Variants in LHX8 observed in about 807,000 individuals in gnomAD.
The protein encoded by LHX8 is LIM homeobox 8, also known as LIM/homeobox protein Lhx8.
A neutral mutation model predicts 40.3 loss-of-function variants in LHX8; 12 were observed. The ratio of observed to expected loss-of-function variants is 0.30; its 90% confidence interval spans 0.19 to 0.48. The LOEUF (loss-of-function observed/expected upper bound fraction) is 0.48. LHX8 is among the 20% of genes least tolerant of loss of function. The probability of loss-of-function intolerance (pLI) is 0.99; values close to 1 mark genes in which losing one functional copy is unlikely to be tolerated. For missense variants in LHX8, 344 were observed against 433.7 expected (o/e 0.79, Z 1.84); for synonymous variants, 179 against 162.0 (o/e 1.10, Z -0.80).
chr1:75,130,955 G>T, upstream of LHX8: 1 of 622,970 alleles, frequency 1.6e-6, no homozygotes, highest in Non-Finnish European at 2.9e-6. Flanking sequence ...ACCTTCTTAT[G>T]ATCGCGAAAG....
chr1:75,129,666 G>A (rs1647912363), upstream of LHX8, among the ~76,000 whole-genome samples: 1 of 152,144 alleles, frequency 6.6e-6, no homozygotes, highest in South Asian at 2.1e-4. Context: ...CCCAGAAACC[G>A]AGAAAACCAT....
chr1:75,173,374 C>CT, the LHX8 span, among the ~76,000 whole-genome samples: 1,546 of 96,452 alleles, frequency 0.016, 164 homozygotes, highest in Non-Finnish European at 0.022. Context: ...GATATATACT[C>CT]TTTTTTTTTT....
chr1:75,151,011 A>G (rs1648595019), intron 7 of LHX8, among the ~76,000 whole-genome samples: 1 of 152,160 alleles, frequency 6.6e-6, no homozygotes, highest in African/African-American at 2.4e-5. Context: ...AGTTCAAAAA[A>G]TTTAAGGAGT....
intron 6 of LHX8, among the ~76,000 whole-genome samples, chr1:75,146,097 T>G (rs1377166421): frequency 2.0e-5 from 3 of 152,052 alleles, no homozygotes; most frequent in African/African-American, 7.2e-5. Context: ...GAATCATTTA[T>G]TTTAGCCAGA....
chr1:75,173,625 G>GC, the LHX8 span, among the ~76,000 whole-genome samples: 1 of 151,836 alleles, frequency 6.6e-6, no homozygotes, highest in Non-Finnish European at 1.5e-5. Context: ...CTCGTGATCT[G>GC]CCCGCCTCGG....
At chr1:75,170,709 A>G in the LHX8 span, among the ~76,000 whole-genome samples, 87 of 152,306 alleles carry the variant, frequency 5.7e-4, no homozygotes, top group Non-Finnish European at 1.1e-3. Flanking sequence ...GATTTGTCAC[A>G]TCTGGGGTAA....
At chr1:75,189,755 C>T in the LHX8 span, among the ~76,000 whole-genome samples, 1 of 152,136 alleles carries the variant, frequency 6.6e-6, no homozygotes, top group African/African-American at 2.4e-5. Context: ...AGGAAAAAGA[C>T]ATCCTTTCTA....
the LHX8 span, among the ~76,000 whole-genome samples, chr1:75,187,245 G>T: frequency 1.3e-5 from 2 of 152,032 alleles, no homozygotes; most frequent in Non-Finnish European, 2.9e-5. Flanking sequence ...GCAAAACTTG[G>T]CCCCAGTAAA....
At chr1:75,142,012 T>C (rs924220953) in intron 4 of LHX8, among the ~76,000 whole-genome samples, 4 of 152,136 alleles carry the variant, frequency 2.6e-5, no homozygotes, top group African/African-American at 9.7e-5. Flanking sequence ...AATCACAGAA[T>C]TTTATAATTA....
intron 8 of LHX8, among the ~76,000 whole-genome samples, chr1:75,158,596 G>A (rs1405830284): frequency 2.6e-5 from 4 of 152,094 alleles, no homozygotes; most frequent in Non-Finnish European, 5.9e-5. Context: ...AAGCTTTTTT[G>A]TTATGTTGAT....
chr1:75,199,268 G>C, the LHX8 span, among the ~76,000 whole-genome samples: 1 of 152,140 alleles, frequency 6.6e-6, no homozygotes, highest in Non-Finnish European at 1.5e-5. Flanking sequence ...TCTCCTTGGA[G>C]ACCAATGCTT....
chr1:75,167,004 G>A, the LHX8 span, among the ~76,000 whole-genome samples: 1 of 152,226 alleles, frequency 6.6e-6, no homozygotes, highest in African/African-American at 2.4e-5. Context: ...GCAGGGCAAA[G>A]GCAGAGTTGC....
upstream of LHX8, chr1:75,130,068 C>T (rs1354973509): frequency 6.5e-6 from 1 of 154,926 alleles, no homozygotes; most frequent in Non-Finnish European, 1.4e-5. Flanking sequence ...CACAGGCGTG[C>T]TTAAGGCGCT....
chr1:75,140,977 C>A lies in LHX8; in HGVS notation c.238-8C>A, dbSNP rs1648295935. 1.2e-6 allele frequency: 2 copies of A among 1,613,394 alleles called. No individual in the cohort carries two copies. Among genetic ancestry groups the A allele is most frequent in the East Asian group, 4.5e-5 (2 of 44,820 alleles). ...ATGATATTACAATGGCTTCTCTTCC[C>A]TTCACAGGTGAATGACCTATGCTGG... On this transcript the variant is annotated splice_polypyrimidine_tract_variant and splice_region_variant and intron_variant, in intron 3 of 8. Coordinates refer to ENST00000356261, the MANE Select transcript of LHX8 (RefSeq NM_001256114.2).
intron 8 of LHX8, among the ~76,000 whole-genome samples, chr1:75,158,892 T>C (rs553652057): frequency 6.6e-6 from 1 of 152,302 alleles, no homozygotes; most frequent in East Asian, 1.9e-4. Context: ...CAATTAAGAT[T>C]TTGATACAAT....
At chr1:75,177,067 A>T in the LHX8 span, among the ~76,000 whole-genome samples, 1 of 151,972 alleles carries the variant, frequency 6.6e-6, no homozygotes, top group Non-Finnish European at 1.5e-5. Context: ...TGCTTTTTTG[A>T]TCACTATAGC....
At chr1:75,173,327 C>G in the LHX8 span, among the ~76,000 whole-genome samples, 2 of 149,692 alleles carry the variant, frequency 1.3e-5, no homozygotes, top group South Asian at 4.2e-4. Flanking sequence ...TTGTAAATGG[C>G]AGAGCCAGGA....
intron 7 of LHX8, among the ~76,000 whole-genome samples, chr1:75,149,133 G>C (rs2100349161): frequency 6.6e-6 from 1 of 152,336 alleles, no homozygotes; most frequent in East Asian, 1.9e-4. Context: ...TCTAAGGTCA[G>C]TGTTTTTCCT....
the LHX8 span, among the ~76,000 whole-genome samples, chr1:75,180,238 C>A: frequency 6.6e-6 from 1 of 152,106 alleles, no homozygotes; most frequent in Admixed American, 6.6e-5. Context: ...TATTGGCCTG[C>A]CTTGCTAGAC....
Sources: gnomAD v4.1 joint callset for allele counts (sites outside exome capture counted in the v4.1 genomes callset) on GRCh38, gnomAD v4.1.1 for gene constraint, MANE v1.5 for transcripts, NCBI Gene and HGNC (gene_info 2026-07-23, HGNC 2026-07-21) for gene names.